The following ZNF557 variants were observed in gnomAD, a reference collection of about 807,000 sequenced individuals.
The protein encoded by ZNF557 is zinc finger protein 557.
In ZNF557, 19 loss-of-function variants were observed where a neutral mutation model predicts 21.2. That is an observed-to-expected ratio of 0.90 (90% CI 0.63 to 1.32). The LOEUF (loss-of-function observed/expected upper bound fraction) is 1.32, where lower values mean the gene tolerates loss of function less well. Ranked by LOEUF, ZNF557 falls within the 40% of genes most tolerant of loss-of-function variation. The pLI, the probability that ZNF557 is intolerant of heterozygous loss-of-function variation, is 0.00. For synonymous variants in ZNF557, 207 were observed against 194.8 expected (o/e 1.06, Z -0.52); for missense variants, 487 against 519.8 (o/e 0.94, Z 0.61).
chr19:7,070,437 T>G (rs1465472280), intron 1 of ZNF557, 125 bp from the exon 2 acceptor site: 2 of 152,234 alleles, frequency 1.3e-5, no homozygotes, highest in Non-Finnish European at 2.9e-5. Context: ...TCAATTTTTT[T>G]TAAGTGAATG....
In ZNF557 at chr19:7,085,680, C is replaced by T. The variant is rs1250958973; in HGVS notation, c.*1936C>T. The stretch of plus-strand genomic sequence containing the variant: ...GCCTCATCTCTTAACTGAGTGGCCA[C>T]GCAGTAACTTAGAACAAAAGGTGTA... On this transcript the variant is annotated 3_prime_UTR_variant, in exon 8 of 8. Transcript: ENST00000252840. 3 of 152,054 alleles carry T rather than the reference C, an allele frequency of 2.0e-5. No individual in the cohort carries two copies. Among genetic ancestry groups the T allele is most frequent in the East Asian group, 1.9e-4 (1 of 5,196 alleles). The allele number at this position is 152,054 out of a possible 1,614,324, so 9.4% of individuals were successfully genotyped here.
Position 7,083,624 on chromosome 19 carries a change from TAAG to T in ZNF557, c.1176_1178del (p.Lys393del), listed in dbSNP as rs1175837023. The T allele has an allele frequency of 4.3e-6, 7 of 1,614,096 alleles. No individual in the cohort carries two copies. The Admixed American group carries it at 8.3e-5, about 19-fold the overall frequency. On this transcript the variant is annotated inframe_deletion, in exon 8 of 8. Transcript: ENST00000252840. ...AATCCTTTAATGTTCTCTCATCCGT[TAAG>T]AAACACATGAGAACTCACACTGGAA...
intron 2 of ZNF557, among the ~76,000 whole-genome samples, chr19:7,074,133 T>G (rs1050766846): frequency 1.2e-4 from 19 of 152,098 alleles, no homozygotes; most frequent in Middle Eastern, 3.4e-3. Context: ...CCCAAATAGC[T>G]GGGATTCCAG....
At chr19:7,080,334 C>CT (rs1396102063) in intron 5 of ZNF557, among the ~76,000 whole-genome samples, 2 of 152,110 alleles carry the variant, frequency 1.3e-5, no homozygotes, top group Admixed American at 1.3e-4. Flanking sequence ...GAAAGATGCT[C>CT]TACTCCTCAG....
chr19:7,077,252 C>T (rs1977605410), intron 5 of ZNF557, among the ~76,000 whole-genome samples: 1 of 147,398 alleles, frequency 6.8e-6, no homozygotes, highest in Non-Finnish European at 1.5e-5. Context: ...TCTCCTGCCT[C>T]AGCCTCCTCA....
At position 7,081,430 on chromosome 19, in the gene ZNF557, A is replaced by G. The variant is rs1177500174; in HGVS notation, c.318A>G (p.Arg106=). 1 of 1,613,636 alleles carries G rather than the reference A, an allele frequency of 6.2e-7. No homozygotes were observed. Among genetic ancestry groups the G allele is most frequent in the South Asian group, 1.1e-5 (1 of 90,986 alleles). Reference sequence around the variant, plus strand: ...AAGATAAAGTGATGACAGAAGAGAGAGGAATTCTCTCAGGTACCTGTCCAG... The same window carrying G: ...AAGATAAAGTGATGACAGAAGAGAGGGGAATTCTCTCAGGTACCTGTCCAG... ...EQEDKVMTEE[R]GILSGTCPDV... The change falls in exon 6 of 8, where the codon AGA becomes AGG. Residue 106 remains arginine, a synonymous_variant. Transcript: ENST00000252840.
Position 7,083,255 on chromosome 19 carries a change from G to T in ZNF557, c.804G>T (p.Gln268His), listed in dbSNP as rs775462292. ...GAGAAAAACCGTACAAATGTAACCA[G>T]TGTTTTCGTGAGTTCCGCACTCAGT... ...HTGEKPYKCN[Q>H]CFREFRTQSI... Residue 268 changes from glutamine (Q) to histidine (H), a missense_variant, in exon 8 of 8, where the codon CAG (glutamine) becomes CAT (histidine). By Grantham distance (24) the Gln-to-His change is conservative. Transcript: ENST00000252840. 1.9e-6 allele frequency: 3 copies of T among 1,614,104 alleles called. No homozygotes were observed. Among genetic ancestry groups the T allele is most frequent in the African/African-American group, 2.7e-5 (2 of 74,946 alleles).
chr19:7,083,674 A>T lies in ZNF557; in HGVS notation c.1223A>T (p.Tyr408Phe). ...HTGKKPYECN[Y>F]CGKSFTSNSY... is the part of the protein sequence containing the mutation. The stretch of plus-strand genomic sequence containing the variant: ...GGAAAAAAACCCTATGAATGTAATT[A>T]TTGCGGGAAATCCTTCACAAGTAAC... The change falls in exon 8 of 8, where the codon TAT (tyrosine) becomes TTT (phenylalanine). Residue 408 changes from tyrosine to phenylalanine, a missense_variant. Physicochemically the swap from Tyr to Phe is conservative, Grantham distance 22. Coordinates refer to ENST00000252840, the MANE Select transcript of ZNF557 (RefSeq NM_024341.3). 6.2e-7 allele frequency: 1 copy of T among 1,614,112 alleles called. No individual in the cohort carries two copies. Among genetic ancestry groups the T allele is most frequent in the Non-Finnish European group, 8.5e-7 (1 of 1,179,986 alleles).
At chr19:7,082,421 C>A (rs77968555) in intron 7 of ZNF557, among the ~76,000 whole-genome samples, 1,018 of 108,350 alleles carry the variant, frequency 9.4e-3, no homozygotes, top group South Asian at 0.01. Flanking sequence ...GACTCTGTCT[C>A]AAAAAAAAAA....
rs1401584012 is a variant in ZNF557 at position 7,081,346 on chromosome 19, T to C, written c.248-14T>C. On this transcript the variant is annotated splice_polypyrimidine_tract_variant and intron_variant, in intron 5 of 7. Coordinates refer to ENST00000252840, the MANE Select transcript of ZNF557 (RefSeq NM_024341.3). Reference sequence around the variant, plus strand: ...ACAGTCCCCCTACATCATGTGTCTTTTCTCCATGTACAGGGAACCAAGTTG... The same window carrying C: ...ACAGTCCCCCTACATCATGTGTCTTCTCTCCATGTACAGGGAACCAAGTTG... 1.3e-6 allele frequency: 2 copies of C among 1,594,996 alleles called. No individual in the cohort carries two copies. The highest frequency in any genetic ancestry group is 1.7e-6 in the Non-Finnish European group (2 of 1,162,912).
Position 7,081,361 on chromosome 19 carries a change from G to C in ZNF557, c.249G>C (p.Gly83=), listed in dbSNP as rs1568409445. The change falls in exon 6 of 8, where the codon GGG becomes GGC. Residue 83 remains glycine, a splice_region_variant and synonymous_variant. Transcript: ENST00000252840. Reference sequence around the variant, plus strand: ...CATGTGTCTTTTCTCCATGTACAGGGAACCAAGTTGATAAACCTAGGCTGA... The same window carrying C: ...CATGTGTCTTTTCTCCATGTACAGGCAACCAAGTTGATAAACCTAGGCTGA... ...LENCRNLASL[G]NQVDKPRLIS... is the part of the protein sequence containing the mutation. 1 of 1,612,514 alleles carries C rather than the reference G, an allele frequency of 6.2e-7. No individual in the cohort carries two copies. The highest frequency in any genetic ancestry group is 8.5e-7 in the Non-Finnish European group (1 of 1,178,780).
rs903271726 is a variant in ZNF557 at position 7,085,733 on chromosome 19, T to A, written c.*1989T>A. 3 of 152,222 alleles carry A rather than the reference T, an allele frequency of 2.0e-5. No homozygotes were observed. Among genetic ancestry groups the A allele is most frequent in the Non-Finnish European group, 4.4e-5 (3 of 68,044 alleles). The allele number at this position is 152,222 out of a possible 1,614,324, so 9.4% of individuals were successfully genotyped here. A position where few individuals can be genotyped will look rare whatever the true frequency, so the allele number is the denominator to read the frequency against. On this transcript the variant is annotated 3_prime_UTR_variant, in exon 8 of 8. Coordinates refer to ENST00000252840, the MANE Select transcript of ZNF557 (RefSeq NM_024341.3). ...TGCTATGAATGTGGAATTACCTTCA[T>A]CAATGTCTCATTTGTAGGTTGGGCC...
intron 5 of ZNF557, 47 bp downstream of exon 5, chr19:7,076,554 A>C (rs1226579626): frequency 6.3e-7 from 1 of 1,582,438 alleles, no homozygotes; most frequent in Non-Finnish European, 8.6e-7. Context: ...TCAGGAAGTC[A>C]GTCTTTTTTT....
rs10641888 is a variant in ZNF557 at position 7,082,421 on chromosome 19, C to CAAAAAA, written c.426+383_426+388dup. ...CTGGCGACAGAGCAAGACTCTGTCT[C>CAAAAAA]AAAAAAAAAAAAAAAAAAAGTGGCT... On this transcript the variant is annotated intron_variant, in intron 7 of 7. Coordinates refer to ENST00000252840, the MANE Select transcript of ZNF557 (RefSeq NM_024341.3). Among the ~76,000 whole-genome samples, 3 of 108,376 alleles carry CAAAAAA rather than the reference C, an allele frequency of 2.8e-5. 1 individual carries two copies. The highest frequency in any genetic ancestry group is 1.1e-4 in the African/African-American group (3 of 27,160). The allele number at this position is 108,376 out of a possible 152,430, so 71.1% of individuals were successfully genotyped here.
intron 5 of ZNF557, among the ~76,000 whole-genome samples, chr19:7,077,273 C>CT (rs1977605895): frequency 6.6e-6 from 1 of 150,596 alleles, no homozygotes; most frequent in Non-Finnish European, 1.5e-5. Flanking sequence ...ACAGCTGGGA[C>CT]TAAAGGCATG....
chr19:7,085,804 A>G lies in ZNF557; in HGVS notation c.*2060A>G, dbSNP rs1367404908. 2 of 152,214 alleles carry G rather than the reference A, an allele frequency of 1.3e-5. No homozygotes were observed. Among genetic ancestry groups the G allele is most frequent in the Non-Finnish European group, 2.9e-5 (2 of 68,040 alleles). 9.4% of individuals were successfully genotyped at this position (152,214 alleles called of 1,614,324 possible). A position where few individuals can be genotyped will look rare whatever the true frequency, so the allele number is the denominator to read the frequency against. On this transcript the variant is annotated 3_prime_UTR_variant, in exon 8 of 8. Transcript: ENST00000252840. ...TCTTTTAATATAAACATTTATGGCTATAGTGGTCCTGAAAATCTTACTACC... is the reference window on the plus strand; with the variant it reads ...TCTTTTAATATAAACATTTATGGCTGTAGTGGTCCTGAAAATCTTACTACC...
intron 2 of ZNF557, among the ~76,000 whole-genome samples, 195 bp from the exon 3 acceptor site, chr19:7,074,799 GGT>G (rs1167886233): frequency 2.3e-5 from 2 of 88,520 alleles, no homozygotes; most frequent in African/African-American, 5.1e-5. Context: ...CTGGAGGGGG[GGT>G]GTGACCGAGG....
rs755477998 is a variant in ZNF557 at position 7,083,747 on chromosome 19, T to G, written c.*3T>G. On this transcript the variant is annotated 3_prime_UTR_variant, in exon 8 of 8. Transcript: ENST00000252840. The stretch of plus-strand genomic sequence containing the variant: ...GAATGCATAATAGGCAAATGTGAAT[T>G]CAATAACTGTGGGAAAAGCATTCAT... 1.5e-5 allele frequency: 24 copies of G among 1,589,884 alleles called. No homozygotes were observed. The highest frequency in any genetic ancestry group is 2.0e-5 in the Non-Finnish European group (23 of 1,167,488).
At chr19:7,071,723 C>T (rs1977462453) in intron 2 of ZNF557, among the ~76,000 whole-genome samples, 1 of 136,158 alleles carries the variant, frequency 7.3e-6, no homozygotes, top group African/African-American at 2.8e-5. Context: ...TCTCTTGAGC[C>T]TGGGAGGCGG....
Sources: allele counts gnomAD v4.1 joint callset (sites outside exome capture counted in the v4.1 genomes callset), GRCh38; gene constraint gnomAD v4.1.1; transcripts MANE v1.5; gene names NCBI Gene and HGNC (gene_info 2026-07-23, HGNC 2026-07-21).